The following GRID2IP variants were observed in gnomAD, a reference collection of about 807,000 sequenced individuals.
GRID2IP encodes the protein delphilin.
A neutral mutation model predicts 114.3 loss-of-function variants in GRID2IP; 78 were observed. The ratio of observed to expected loss-of-function variants is 0.68; its 90% CI spans 0.57 to 0.82. The LOEUF is 0.82. Among genes scored for constraint, GRID2IP ranks in the 40% least tolerant of loss-of-function variants. The pLI is 0.00. For synonymous variants in GRID2IP, 809 were observed against 724.0 expected (o/e 1.12, Z -1.89); for missense variants, 1,727 against 1,678.5 (o/e 1.03, Z -0.51).
chr7:6,507,875 G>A lies in GRID2IP; in HGVS notation c.2544+110C>T. On this transcript the variant is annotated intron_variant, in intron 13 of 21. Transcript: ENST00000457091. This position sits in a 1 kb window ranked among gnomAD's most constrained non-coding sequence, Gnocchi z 5.3. Reference sequence around the variant, plus strand: ...GGGCCTCTACTCATCCTCTGCTTGGGGTAGGGAGGATGATGTTGGAAGATG... The same window carrying A: ...GGGCCTCTACTCATCCTCTGCTTGGAGTAGGGAGGATGATGTTGGAAGATG... 6.8e-7 allele frequency: 1 copy of A among 1,467,422 alleles called. No individual in the cohort carries two copies. The highest frequency in any genetic ancestry group is 9.1e-7 in the Non-Finnish European group (1 of 1,100,456). The allele number at this position is 1,467,422 out of a possible 1,614,324, so 90.9% of individuals were successfully genotyped here.
chr7:6,501,651 G>T, intron 20 of GRID2IP, 130 bp downstream of exon 20: 1 of 706,898 alleles, frequency 1.4e-6, no homozygotes, highest in African/African-American at 1.8e-5. Context: ...GGACCCCTGG[G>T]TGCACAGCAA....
intron 1 of GRID2IP, among the ~76,000 whole-genome samples, chr7:6,548,949 G>C (rs1779927540): frequency 6.6e-6 from 1 of 152,104 alleles, no homozygotes. Context: ...GCAGGGGTAG[G>C]GACTGAGTGT....
chr7:6,501,154 C>T (rs190596870), intron 20 of GRID2IP, among the ~76,000 whole-genome samples: 182 of 152,260 alleles, frequency 1.2e-3, no homozygotes, highest in Admixed American at 4.3e-3. Flanking sequence ...AGTGCAAGAC[C>T]AGCCTGGAAA....
In GRID2IP at chr7:6,508,734, C is replaced by T. The variant is rs946889613; in HGVS notation, c.2127+224G>A. Among the ~76,000 whole-genome samples, 1 of 152,036 alleles carries T rather than the reference C, an allele frequency of 6.6e-6. No homozygotes were observed. The highest frequency in any genetic ancestry group is 1.5e-5 in the Non-Finnish European group (1 of 67,992). Reference sequence around the variant, plus strand: ...CTGAGCTAAGGAATGGGCTAACCTGCGACAGGGAATATGGGCTAGCCTCAG... The same window carrying T: ...CTGAGCTAAGGAATGGGCTAACCTGTGACAGGGAATATGGGCTAGCCTCAG... On this transcript the variant is annotated intron_variant, in intron 12 of 21. Coordinates refer to ENST00000457091, the MANE Select transcript of GRID2IP (RefSeq NM_001145118.2). The surrounding 1 kb of genome is among the most constrained non-coding windows in gnomAD (Gnocchi z 5.6).
rs1361757035 is a variant in GRID2IP at position 6,510,289 on chromosome 7, T to G, written c.1765A>C (p.Thr589Pro). The G allele has an allele frequency of 7.8e-6, 12 of 1,539,416 alleles. No individual in the cohort carries two copies. In the African/African-American group the frequency reaches 1.7e-4, roughly 21 times the overall value. ...ACAGAGGCTGGAGCCCTACCTGTGG[T>G]GACTGCTGGGCTGGGGCCTGGAGGG... ...ASPPGPSPAV[T>P]TGPRTLSGVS... The change falls in exon 11 of 22, where the codon ACC (threonine) becomes CCC (proline). Residue 589 changes from threonine to proline, a missense_variant. Transcript: ENST00000457091.
intron 20 of GRID2IP, among the ~76,000 whole-genome samples, chr7:6,501,306 G>A (rs771972409): frequency 9.2e-5 from 14 of 152,220 alleles, no homozygotes; most frequent in Non-Finnish European, 1.8e-4. Flanking sequence ...AGCCAAGATC[G>A]TGCAACTGCA....
In GRID2IP at chr7:6,520,498, C is replaced by CAGGG; in HGVS notation, c.1268+76_1268+79dup. Reference sequence around the variant, plus strand: ...GAGAACGGGACTGAGGAGGTTCAGGCAGGGAGACTGGGATGTGAGTCTAGG... The same window carrying CAGGG: ...GAGAACGGGACTGAGGAGGTTCAGGCAGGGAGGGAGACTGGGATGTGAGTCTAGG... On this transcript the variant is annotated intron_variant, in intron 7 of 21. Coordinates refer to ENST00000457091, the MANE Select transcript of GRID2IP (RefSeq NM_001145118.2). The surrounding 1 kb of genome is among the most constrained non-coding windows in gnomAD (Gnocchi z 4.6). 7.1e-7 allele frequency: 1 copy of CAGGG among 1,410,188 alleles called. No homozygotes were observed. Among genetic ancestry groups the CAGGG allele is most frequent in the South Asian group, 1.3e-5 (1 of 74,294 alleles). The allele number at this position is 1,410,188 out of a possible 1,614,324, so 87.4% of individuals were successfully genotyped here.
At chr7:6,512,521 T>A (rs1779196286) in intron 8 of GRID2IP, among the ~76,000 whole-genome samples, 1 of 151,746 alleles carries the variant, frequency 6.6e-6, no homozygotes, top group East Asian at 1.9e-4. Flanking sequence ...TTTATTTTTT[T>A]TTTCTTTGAG....
At chr7:6,543,571 C>G (rs75546071) in intron 1 of GRID2IP, among the ~76,000 whole-genome samples, 10,959 of 151,944 alleles carry the variant, frequency 0.072, 572 homozygotes, top group African/African-American at 0.14. Context: ...GGTTGCGTCA[C>G]TCTCACCTCA....
chr7:6,514,637 G>T (rs1435568105), intron 7 of GRID2IP, 108 bp from the exon 8 acceptor site: 7 of 979,668 alleles, frequency 7.1e-6, no homozygotes, highest in Non-Finnish European at 8.4e-6. Context: ...CTGCCCTCAT[G>T]CCCTATCCCT....
chr7:6,513,947 CAAAAAA>C lies in GRID2IP; in HGVS notation c.1423+422_1423+427del, dbSNP rs35124535. ...TGGGCGACAGAGCAAGACTCCGTCT[CAAAAAA>C]AAAAAAAAAAAAAAAAAAGGCTGGG... On this transcript the variant is annotated intron_variant, in intron 8 of 21. Coordinates refer to ENST00000457091, the MANE Select transcript of GRID2IP (RefSeq NM_001145118.2). Among the ~76,000 whole-genome samples the C allele has an allele frequency of 8.4e-5, 4 of 47,542 alleles. No individual in the cohort carries two copies. In the East Asian group the frequency reaches 2.5e-3, roughly 30 times the overall value. The allele number at this position is 47,542 out of a possible 152,430, so 31.2% of individuals were successfully genotyped here.
At position 6,519,705 on chromosome 7, in the gene GRID2IP, C is replaced by T. The variant is rs1017874899; in HGVS notation, c.1268+873G>A. Among the ~76,000 whole-genome samples, 2 of 151,772 alleles carry T rather than the reference C, an allele frequency of 1.3e-5. No homozygotes were observed. Among genetic ancestry groups the T allele is most frequent in the East Asian group, 1.9e-4 (1 of 5,150 alleles). On this transcript the variant is annotated intron_variant, in intron 7 of 21. Transcript: ENST00000457091. This position sits in a 1 kb window ranked among gnomAD's most constrained non-coding sequence, Gnocchi z 4.1. ...CCGGGAGGTGGGGGTTGCGGTGAGC[C>T]GAGATCGCACCACTGCACTCCAGCC...
At chr7:6,529,908 C>A (rs1779584366) in intron 2 of GRID2IP, among the ~76,000 whole-genome samples, 1 of 151,954 alleles carries the variant, frequency 6.6e-6, no homozygotes, top group African/African-American at 2.4e-5. Flanking sequence ...TCCTACCCCG[C>A]CCCCTCCTAG....
rs1309793750 is a variant in GRID2IP, at chr7:6,520,468, C to T, written c.1268+110G>A. The T allele has an allele frequency of 4.1e-5, 51 of 1,243,994 alleles. No individual in the cohort carries two copies. Among genetic ancestry groups the T allele is most frequent in the Non-Finnish European group, 5.5e-5 (50 of 914,118 alleles). The allele number at this position is 1,243,994 out of a possible 1,614,324, so 77.1% of individuals were successfully genotyped here. ...CCAGCAGCCACCTTCCTGAGCATCC[C>T]CCAGGAGAACGGGACTGAGGAGGTT... On this transcript the variant is annotated intron_variant, in intron 7 of 21. Transcript: ENST00000457091. This position sits in a 1 kb window ranked among gnomAD's most constrained non-coding sequence, Gnocchi z 4.6.
At position 6,502,037 on chromosome 7, in the gene GRID2IP, G is replaced by A; in HGVS notation, c.3232C>T (p.Leu1078Phe). 1 of 1,551,566 alleles carries A rather than the reference G, an allele frequency of 6.4e-7. No individual in the cohort carries two copies. Among genetic ancestry groups the A allele is most frequent in the South Asian group, 1.2e-5 (1 of 84,044 alleles). ...AKSLSQHFPE[L>F]LGFAQDLPTV... ...GGCAGGTCCTGAGCAAAGCCCAGGA[G>A]TTCAGGGAAGTGCTGGCTCAGCGAT... Residue 1078 changes from leucine to phenylalanine, a missense_variant, in exon 19 of 22, where the codon CTC (leucine) becomes TTC (phenylalanine). Transcript: ENST00000457091.
In GRID2IP at chr7:6,521,752, G is replaced by A; in HGVS notation, c.989+136C>T. ...AGGGTTAGATTCAAGAGTTCCCATT[G>A]GAAGAGGGACAGACCCTGGGGACCA... On this transcript the variant is annotated intron_variant, in intron 5 of 21. Coordinates refer to ENST00000457091, the MANE Select transcript of GRID2IP (RefSeq NM_001145118.2). This position sits in a 1 kb window ranked among gnomAD's most constrained non-coding sequence, Gnocchi z 4.1. 1 of 708,798 alleles carries A rather than the reference G, an allele frequency of 1.4e-6. No homozygotes were observed. The highest frequency in any genetic ancestry group is 1.8e-5 in the African/African-American group (1 of 56,232). The allele number at this position is 708,798 out of a possible 1,614,324, so 43.9% of individuals were successfully genotyped here.
chr7:6,519,739 G>C lies in GRID2IP; in HGVS notation c.1268+839C>G, dbSNP rs979115283. 6.6e-6 allele frequency among the ~76,000 whole-genome samples: 1 copy of C among 152,000 alleles called. No homozygotes were observed. Among genetic ancestry groups the C allele is most frequent in the African/African-American group, 2.4e-5 (1 of 41,392 alleles). On this transcript the variant is annotated intron_variant, in intron 7 of 21. Transcript: ENST00000457091. The surrounding 1 kb of genome is among the most constrained non-coding windows in gnomAD (Gnocchi z 4.1). ...ACCACTGCACTCCAGCCTGGGCAACGAGAGTGAAACACCATCTCAAAAAAC... is the reference window on the plus strand; with the variant it reads ...ACCACTGCACTCCAGCCTGGGCAACCAGAGTGAAACACCATCTCAAAAAAC...
rs186970262 is a variant in GRID2IP at position 6,507,336 on chromosome 7, C to T, written c.2544+649G>A. ...AATGTCTCTTTGACAGGGACATGGACACTGGAGTGGGGGTTGGAAACCATG... is the reference window on the plus strand; with the variant it reads ...AATGTCTCTTTGACAGGGACATGGATACTGGAGTGGGGGTTGGAAACCATG... On this transcript the variant is annotated intron_variant, in intron 13 of 21. Coordinates refer to ENST00000457091, the MANE Select transcript of GRID2IP (RefSeq NM_001145118.2). The surrounding 1 kb of genome is among the most constrained non-coding windows in gnomAD (Gnocchi z 5.3). Among the ~76,000 whole-genome samples, 2 of 149,678 alleles carry T rather than the reference C, an allele frequency of 1.3e-5. No homozygotes were observed. The highest frequency in any genetic ancestry group is 6.7e-5 in the Admixed American group (1 of 14,986).
chr7:6,505,726 ATAG>A (rs1786559395), intron 14 of GRID2IP, 91 bp downstream of exon 14: 4 of 778,828 alleles, frequency 5.1e-6, no homozygotes, highest in Non-Finnish European at 8.8e-6. Context: ...ATCAGGTTAA[ATAG>A]TAGTCAGTGC....
Sources: allele counts gnomAD v4.1 joint callset (sites outside exome capture counted in the v4.1 genomes callset), GRCh38; gene constraint gnomAD v4.1.1; non-coding constraint Gnocchi (gnomAD v3.1); transcripts MANE v1.5; gene names NCBI Gene and HGNC (gene_info 2026-07-23, HGNC 2026-07-21).